HECW2: variants seen among roughly 807,000 people sequenced by gnomAD.
The protein encoded by HECW2 is HECT, C2 and WW domain containing E3 ubiquitin protein ligase 2.
A neutral mutation model predicts 175.2 loss-of-function variants in HECW2; 61 were observed. The observed-to-expected ratio is 0.35, with a 90% CI of 0.28 to 0.43. The LOEUF is 0.43. Among genes scored for constraint, HECW2 ranks in the 20% least tolerant of loss-of-function variants. The pLI is 1.00. For synonymous variants in HECW2, 671 were observed against 731.0 expected, an observed-to-expected ratio of 0.92 and a Z score of 1.32; for missense variants, 1,524 against 2,000.5, an observed-to-expected ratio of 0.76 and a Z score of 4.54.
At chr2:196,258,136 G>C in intron 17 of HECW2, 1 of 507,538 alleles carries the variant, frequency 2.0e-6, no homozygotes, top group Non-Finnish European at 3.5e-6. Flanking sequence ...TGGGGAGAAA[G>C]ATTCTTTCAC....
At chr2:196,492,613 A>C (rs1275040837) in intron 1 of HECW2, among the ~76,000 whole-genome samples, 1 of 152,200 alleles carries the variant, frequency 6.6e-6, no homozygotes, top group Non-Finnish European at 1.5e-5. Flanking sequence ...AATCCTTATG[A>C]AATACTTGTT....
At chr2:196,438,167 A>G (rs1695936339) in intron 1 of HECW2, among the ~76,000 whole-genome samples, 1 of 152,204 alleles carries the variant, frequency 6.6e-6, no homozygotes, top group South Asian at 2.1e-4. Flanking sequence ...GATGTAGGAA[A>G]GAGAGGAGAC....
intron 2 of HECW2, among the ~76,000 whole-genome samples, chr2:196,402,205 A>AAC (rs1694840784): frequency 8.1e-6 from 1 of 123,750 alleles, no homozygotes; most frequent in Non-Finnish European, 1.8e-5. Flanking sequence ...TGTCTCAAAA[A>AAC]AAAAAAAAAA....
At chr2:196,440,579 T>C (rs1006336451) in intron 1 of HECW2, among the ~76,000 whole-genome samples, 4 of 152,186 alleles carry the variant, frequency 2.6e-5, no homozygotes, top group African/African-American at 9.6e-5. Flanking sequence ...AAAACCAGTG[T>C]TACTCAATAA....
Position 196,194,248 on chromosome 2 carries a change from G to A in HECW2, c.*7029C>T, listed in dbSNP as rs1326157570. ...ATAAACAAAATACTATAAATACTAT[G>A]AAAACAGAACCTCCAATATTTATAG... is the stretch of plus-strand genomic sequence containing the variant. On this transcript the variant is annotated 3_prime_UTR_variant, in exon 29 of 29. Transcript: ENST00000644978. 1 of 151,500 alleles carries A rather than the reference G, an allele frequency of 6.6e-6. No homozygotes were observed. Among genetic ancestry groups the A allele is most frequent in the East Asian group, 1.9e-4 (1 of 5,202 alleles). 9.4% of individuals were successfully genotyped at this position (151,500 alleles called of 1,614,324 possible).
At chr2:196,414,782 A>G (rs1024192587) in intron 2 of HECW2, among the ~76,000 whole-genome samples, 1 of 152,100 alleles carries the variant, frequency 6.6e-6, no homozygotes, top group Non-Finnish European at 1.5e-5. Flanking sequence ...GTCCACAAGA[A>G]TCATGTGTTC....
rs376404647 is a variant in HECW2 at position 196,522,689 on chromosome 2, C to G, written c.-36+70819G>C. Among the ~76,000 whole-genome samples the G allele has an allele frequency of 5.9e-4, 89 of 150,446 alleles. No homozygotes were observed. The East Asian group carries it at 9.3e-3, about 16-fold the overall frequency. ...AAGGAAGGGATCCAGTTTCAGCTTT[C>G]TACATATGGCTAGCCAGTTTTCCCA... On this transcript the variant is annotated intron_variant, in intron 1 of 28. Coordinates refer to ENST00000644978, the MANE Select transcript of HECW2 (RefSeq NM_001348768.2).
intron 1 of HECW2, among the ~76,000 whole-genome samples, chr2:196,449,284 C>A (rs1228946497): frequency 6.6e-6 from 1 of 152,172 alleles, no homozygotes; most frequent in African/African-American, 2.4e-5. Flanking sequence ...GTGGTCTTCC[C>A]CACCTCTGTC....
At position 196,319,119 on chromosome 2, in the gene HECW2, T is replaced by C. The variant is rs747531196; in HGVS notation, c.1771A>G (p.Ser591Gly). Residue 591 changes from serine to glycine, a missense_variant, in exon 9 of 29, where the codon AGC becomes GGC. Around this residue, in one of 11 missense-constraint regions of HECW2, gnomAD observed 604 missense variants for 588.3 expected, o/e 1.03. Transcript: ENST00000644978. ...TCGGTCTCACTGACGGCTCTTCGGC[T>C]TCCTCCTGATGCATCGGAAGTCCCT... ...DTGTSDASGG[S>G]RRAVSETESL... 6.3e-7 allele frequency: 1 copy of C among 1,593,904 alleles called. No individual in the cohort carries two copies. The highest frequency in any genetic ancestry group is 8.5e-7 in the Non-Finnish European group (1 of 1,170,080).
Position 196,297,860 on chromosome 2 carries a change from C to T in HECW2, c.2815-5110G>A, listed in dbSNP as rs190436931. ...TGTATGCAGAGATATCAAAACAGTCCTGTTTTATACAGTCTGTCTTCATAA... is the reference window on the plus strand; with the variant it reads ...TGTATGCAGAGATATCAAAACAGTCTTGTTTTATACAGTCTGTCTTCATAA... On this transcript the variant is annotated intron_variant, in intron 13 of 28. Coordinates refer to ENST00000644978, the MANE Select transcript of HECW2 (RefSeq NM_001348768.2). 3.9e-3 allele frequency among the ~76,000 whole-genome samples: 594 copies of T among 152,168 alleles called. 6 individuals carry two copies. The highest frequency in any genetic ancestry group is 0.014 in the African/African-American group (565 of 41,504).
chr2:196,297,920 T>A (rs1690880783), intron 13 of HECW2, among the ~76,000 whole-genome samples: 1 of 152,232 alleles, frequency 6.6e-6, no homozygotes, highest in Non-Finnish European at 1.5e-5. Context: ...ATTGTTCTCA[T>A]CTAGCTAGAG....
At chr2:196,490,022 C>A (rs1179796929) in intron 1 of HECW2, among the ~76,000 whole-genome samples, 1 of 152,192 alleles carries the variant, frequency 6.6e-6, no homozygotes, top group Non-Finnish European at 1.5e-5. Context: ...CCACTCTCCA[C>A]TATGACCACT....
chr2:196,398,520 C>T (rs1004665999), intron 2 of HECW2, among the ~76,000 whole-genome samples: 2 of 151,958 alleles, frequency 1.3e-5, no homozygotes, highest in Non-Finnish European at 2.9e-5. Flanking sequence ...AAGAAATATC[C>T]CAAGATGCCT....
At chr2:196,475,973 G>A (rs370384980) in intron 1 of HECW2, among the ~76,000 whole-genome samples, 12 of 152,276 alleles carry the variant, frequency 7.9e-5, no homozygotes, top group African/African-American at 2.6e-4. Flanking sequence ...CCTCGGACCC[G>A]CTGTGCCTCA....
In HECW2 at chr2:196,342,780, C is replaced by T. The variant is rs148647738; in HGVS notation, c.400+877G>A. 2.7e-3 allele frequency among the ~76,000 whole-genome samples: 416 copies of T among 152,214 alleles called. 2 individuals carry two copies. The highest frequency in any genetic ancestry group is 4.1e-3 in the Non-Finnish European group (282 of 68,018). ...CTTTGAAAAGACTGGGGTCCACACA[C>T]GAAGTTATTCTGCCGCTGGCAAAAA... On this transcript the variant is annotated intron_variant, in intron 3 of 28. Transcript: ENST00000644978.
intron 13 of HECW2, among the ~76,000 whole-genome samples, chr2:196,302,983 C>T (rs948352980): frequency 4.6e-5 from 7 of 152,128 alleles, no homozygotes; most frequent in African/African-American, 1.7e-4. Context: ...AGCATCCTTG[C>T]CTTGTGCTGG....
intron 5 of HECW2, among the ~76,000 whole-genome samples, chr2:196,328,797 T>C (rs1692249008): frequency 6.6e-6 from 1 of 152,240 alleles, no homozygotes; most frequent in Admixed American, 6.5e-5. Context: ...TTCTTATTCT[T>C]GACTTTATGA....
intron 1 of HECW2, among the ~76,000 whole-genome samples, chr2:196,523,988 CATAAA>C (rs1395360190): frequency 6.6e-6 from 1 of 151,894 alleles, no homozygotes; most frequent in Admixed American, 6.6e-5. Flanking sequence ...ATGCTGGCCT[CATAAA>C]ATGAGTTAGG....
At chr2:196,488,548 A>G (rs951813711) in intron 1 of HECW2, among the ~76,000 whole-genome samples, 3 of 152,066 alleles carry the variant, frequency 2.0e-5, no homozygotes, top group African/African-American at 7.2e-5. Context: ...CCACTATACC[A>G]CTATATCTTG....
Sources: allele counts gnomAD v4.1 joint callset (sites outside exome capture counted in the v4.1 genomes callset), GRCh38; gene constraint gnomAD v4.1.1; regional missense constraint gnomAD v4.1.1; transcripts MANE v1.5; gene names NCBI Gene and HGNC (gene_info 2026-07-23, HGNC 2026-07-21).